Variants in SENP6 observed in about 807,000 individuals in gnomAD.
SENP6 encodes the protein sentrin-specific protease 6.
In SENP6, 41 loss-of-function variants were observed where a neutral mutation model predicts 134.5. The observed-to-expected ratio is 0.30, with a 90% CI of 0.24 to 0.40. The LOEUF (loss-of-function observed/expected upper bound fraction) is 0.40. Ranked by LOEUF, SENP6 falls within the 10% of genes least tolerant of loss-of-function variation. The pLI is 1.00. For missense variants in SENP6, 1,248 were observed against 1,312.5 expected, an observed-to-expected ratio of 0.95 and a Z score of 0.76; for synonymous variants, 395 against 429.8, an observed-to-expected ratio of 0.92 and a Z score of 1.00.
At chr6:75,630,850 A>G (rs1769057858) in intron 3 of SENP6, among the ~76,000 whole-genome samples, 1 of 73,302 alleles carries the variant, frequency 1.4e-5, no homozygotes, top group Admixed American at 2.4e-4. Context: ...CCATCATTTA[A>G]AAAAAAAAAT....
intron 5 of SENP6, among the ~76,000 whole-genome samples, chr6:75,640,199 T>G (rs1433636286): frequency 1.3e-5 from 2 of 152,224 alleles, no homozygotes; most frequent in Non-Finnish European, 2.9e-5. Flanking sequence ...AGGTGTAGTA[T>G]ACAGAGCAAA....
intron 2 of SENP6, 95 bp from the exon 3 acceptor site, chr6:75,623,805 C>A: frequency 9.2e-7 from 1 of 1,084,352 alleles, no homozygotes; most frequent in South Asian, 1.6e-5. Flanking sequence ...TTTGCTGATT[C>A]CCTGAATTAG....
At chr6:75,613,365 A>T (rs1030410324) in intron 1 of SENP6, among the ~76,000 whole-genome samples, 5 of 152,186 alleles carry the variant, frequency 3.3e-5, no homozygotes, top group African/African-American at 1.2e-4. Context: ...GGCAACGTTG[A>T]GTAACTGACA....
chr6:75,637,697 T>C (rs1769633545), intron 5 of SENP6, among the ~76,000 whole-genome samples: 1 of 152,116 alleles, frequency 6.6e-6, no homozygotes, highest in African/African-American at 2.4e-5. Flanking sequence ...GTAATTCTTA[T>C]AAGGTTCTTA....
chr6:75,704,237 T>G (rs1162364030), intron 19 of SENP6, among the ~76,000 whole-genome samples: 3 of 152,190 alleles, frequency 2.0e-5, no homozygotes, highest in Non-Finnish European at 4.4e-5. Flanking sequence ...GTCACCGGTC[T>G]TTGAGTTCTC....
In SENP6 at chr6:75,675,961, A is replaced by G. The variant is rs998538819; in HGVS notation, c.1528A>G (p.Ile510Val). 1.9e-6 allele frequency: 3 copies of G among 1,612,966 alleles called. No individual in the cohort carries two copies. The highest frequency in any genetic ancestry group is 1.7e-5 in the Admixed American group (1 of 59,852). The change falls in exon 13 of 24, where the codon ATT becomes GTT. Residue 510 changes from isoleucine to valine, a missense_variant. By Grantham distance (29) the Ile-to-Val change is conservative (BLOSUM62 3). This residue lies in a region of SENP6 where 733 missense variants were observed against 725.4 expected (regional missense o/e 1.01). Coordinates refer to ENST00000447266, the MANE Select transcript of SENP6 (RefSeq NM_015571.4). ...RKLPVVFLQA[I>V]PAVYQKLSIQ... The stretch of plus-strand genomic sequence containing the variant: ...ATTACCTGTAGTGTTTCTTCAAGCA[A>G]TTCCAGCAGTTTATCAAAAGCTGAG...
At chr6:75,709,714 A>G in intron 20 of SENP6, 84 bp downstream of exon 20, 1 of 886,878 alleles carries the variant, frequency 1.1e-6, no homozygotes, top group Non-Finnish European at 1.8e-6. Flanking sequence ...GCACACCTGT[A>G]GTCCCAGTGA....
At chr6:75,670,415 A>G (rs2149873008) in intron 10 of SENP6, 138 bp from the exon 11 acceptor site, 2 of 541,354 alleles carry the variant, frequency 3.7e-6, no homozygotes, top group South Asian at 6.3e-5. Flanking sequence ...TTTTAATTTT[A>G]TCTAACACTG....
At chr6:75,649,459 TAAGAGA>T (rs1770700920) in intron 7 of SENP6, among the ~76,000 whole-genome samples, 1 of 152,196 alleles carries the variant, frequency 6.6e-6, no homozygotes, top group Admixed American at 6.5e-5. Context: ...ATATTCAAGT[TAAGAGA>T]AAAAAGAGCA....
rs184624751 is a variant in SENP6, at chr6:75,608,916, G to A, written c.52+6340G>A. Among the ~76,000 whole-genome samples, 4 of 152,206 alleles carry A rather than the reference G, an allele frequency of 2.6e-5. No homozygotes were observed. In the East Asian group the frequency reaches 7.7e-4, roughly 29 times the overall value. ...TGTCTTCTCTTCTATTTGAATTTTA[G>A]TTTGCATTGTTTTTCTTTCACTGAC... On this transcript the variant is annotated intron_variant, in intron 1 of 23. Coordinates refer to ENST00000447266, the MANE Select transcript of SENP6 (RefSeq NM_015571.4).
Position 75,602,574 on chromosome 6 carries a change from A to G in SENP6, c.50A>G (p.Glu17Gly), listed in dbSNP as rs781090940. The G allele has an allele frequency of 2.6e-6, 4 of 1,551,206 alleles. No homozygotes were observed. Among genetic ancestry groups the G allele is most frequent in the South Asian group, 1.2e-5 (1 of 84,052 alleles). Residue 17 changes from glutamate (E) to glycine (G), a missense_variant and splice_region_variant, in exon 1 of 24, where the codon GAA (glutamate) becomes GGA (glycine). By Grantham distance (98) the Glu-to-Gly change is moderately conservative (BLOSUM62 -2). Coordinates refer to ENST00000447266, the MANE Select transcript of SENP6 (RefSeq NM_015571.4). ...GGSAGEITFL[E>G]ALARSESKRD... ...AGCGCAGGGGAGATTACTTTTCTGGAAGGTACGTCTGTTTCTGCCCTTGAC... is the reference window on the plus strand; with the variant it reads ...AGCGCAGGGGAGATTACTTTTCTGGGAGGTACGTCTGTTTCTGCCCTTGAC...
intron 18 of SENP6, 63 bp from the exon 19 acceptor site, chr6:75,702,582 G>A: frequency 7.3e-7 from 1 of 1,369,108 alleles, no homozygotes; most frequent in Non-Finnish European, 9.9e-7. Context: ...TAATTGATAT[G>A]TATTGCCAAA....
At chr6:75,670,068 C>T (rs1772550652) in intron 10 of SENP6, among the ~76,000 whole-genome samples, 1 of 151,994 alleles carries the variant, frequency 6.6e-6, no homozygotes, top group Non-Finnish European at 1.5e-5. Flanking sequence ...TGAGTAGCCT[C>T]CTGAGTAGCC....
In SENP6 at chr6:75,602,338, G is replaced by C; in HGVS notation, c.-187G>C. On this transcript the variant is annotated 5_prime_UTR_variant, in exon 1 of 24. Coordinates refer to ENST00000447266, the MANE Select transcript of SENP6 (RefSeq NM_015571.4). ...TCGCTGCCCGCCAGCCCGCGGACAGGCCCGGGCGCGCCTGGCCTGCCTTTG... is the reference window on the plus strand; with the variant it reads ...TCGCTGCCCGCCAGCCCGCGGACAGCCCCGGGCGCGCCTGGCCTGCCTTTG... 1 of 555,296 alleles carries C rather than the reference G, an allele frequency of 1.8e-6. No homozygotes were observed. The highest frequency in any genetic ancestry group is 3.0e-6 in the Non-Finnish European group (1 of 330,494). The allele number at this position is 555,296 out of a possible 1,614,324, so 34.4% of individuals were successfully genotyped here.
At chr6:75,649,207 C>T (rs1770680452) in intron 7 of SENP6, among the ~76,000 whole-genome samples, 2 of 151,712 alleles carry the variant, frequency 1.3e-5, no homozygotes, top group African/African-American at 4.8e-5. Context: ...CCCAGCTACT[C>T]GGAAGGCTGA....
At chr6:75,660,511 T>C (rs576928271) in intron 8 of SENP6, among the ~76,000 whole-genome samples, 4 of 152,350 alleles carry the variant, frequency 2.6e-5, no homozygotes, top group Admixed American at 2.0e-4. Flanking sequence ...CCAGATTCCA[T>C]GTGAGTCCCT....
At position 75,636,434 on chromosome 6, in the gene SENP6, G is replaced by A. The variant is rs78035878; in HGVS notation, c.458+1623G>A. Among the ~76,000 whole-genome samples, 1,613 of 152,120 alleles carry A rather than the reference G, an allele frequency of 0.011. 60 individuals are homozygous for A. In the East Asian group the frequency reaches 0.14, roughly 13 times the overall value. On this transcript the variant is annotated intron_variant, in intron 5 of 23. Coordinates refer to ENST00000447266, the MANE Select transcript of SENP6 (RefSeq NM_015571.4). Reference sequence around the variant, plus strand: ...AAAGACAAGTCATTGAGAGTTCTTCGGTTTTCTTCCTTCAAAAACATTGAA... The same window carrying A: ...AAAGACAAGTCATTGAGAGTTCTTCAGTTTTCTTCCTTCAAAAACATTGAA...
chr6:75,606,840 A>C (rs1767065376), intron 1 of SENP6, among the ~76,000 whole-genome samples: 1 of 152,216 alleles, frequency 6.6e-6, no homozygotes, highest in African/African-American at 2.4e-5. Flanking sequence ...ATTTCGGATA[A>C]GGGACACTTA....
At chr6:75,651,193 C>T (rs1408278424) in intron 7 of SENP6, among the ~76,000 whole-genome samples, 1 of 152,044 alleles carries the variant, frequency 6.6e-6, no homozygotes, top group Non-Finnish European at 1.5e-5. Flanking sequence ...TCATTTGTTT[C>T]TTAAACTCCC....
Sources: gnomAD v4.1 joint callset for allele counts (sites outside exome capture counted in the v4.1 genomes callset) on GRCh38, gnomAD v4.1.1 for gene constraint, gnomAD v4.1.1 regional missense constraint, MANE v1.5 for transcripts, NCBI Gene and HGNC (gene_info 2026-07-23, HGNC 2026-07-21) for gene names.